MTMR3: variants seen among roughly 807,000 people sequenced by gnomAD.
The protein encoded by MTMR3 is myotubularin related protein 3.
In MTMR3, 32 loss-of-function variants were observed where a neutral mutation model predicts 132.4. The ratio of observed to expected loss-of-function variants is 0.24; its 90% CI spans 0.18 to 0.32. The LOEUF is 0.32. MTMR3 is among the 10% of genes least tolerant of loss of function. The probability of loss-of-function intolerance (pLI) is 1.00; values close to 1 mark genes in which losing one functional copy is unlikely to be tolerated. For missense variants in MTMR3, 1,216 were observed against 1,489.6 expected, an observed-to-expected ratio of 0.82 and a Z score of 3.02; for synonymous variants, 556 against 550.3, an observed-to-expected ratio of 1.01 and a Z score of -0.14.
rs541259700 is a variant in MTMR3, at chr22:30,029,446, A to G, written c.*3645A>G. ...AGAATATTCTATGAATTAGAATGTTACTGTGGTAGATCTAAAGGAGAATGA... is the reference window on the plus strand; with the variant it reads ...AGAATATTCTATGAATTAGAATGTTGCTGTGGTAGATCTAAAGGAGAATGA... On this transcript the variant is annotated 3_prime_UTR_variant, in exon 20 of 20. Transcript: ENST00000401950. 1 of 152,498 alleles carries G rather than the reference A, an allele frequency of 6.6e-6. No individual in the cohort carries two copies. Among genetic ancestry groups the G allele is most frequent in the East Asian group, 1.9e-4 (1 of 5,332 alleles). The allele number at this position is 152,498 out of a possible 1,614,324, so 9.4% of individuals were successfully genotyped here.
chr22:29,892,656 T>C (rs2064822701), intron 1 of MTMR3, among the ~76,000 whole-genome samples: 2 of 152,122 alleles, frequency 1.3e-5, no homozygotes. Context: ...GCTTTTTGTA[T>C]TAGAAAAAAA....
At chr22:29,893,774 T>C (rs2064841574) in intron 1 of MTMR3, among the ~76,000 whole-genome samples, 1 of 152,188 alleles carries the variant, frequency 6.6e-6, no homozygotes, top group Non-Finnish European at 1.5e-5. Flanking sequence ...TTGCTTCTTA[T>C]TCTTTTAGAG....
chr22:29,953,163 C>A (rs16988120), intron 1 of MTMR3, among the ~76,000 whole-genome samples: 11,792 of 152,218 alleles, frequency 0.077, 536 homozygotes, highest in African/African-American at 0.092. Flanking sequence ...TCTTAATTAT[C>A]GTTCATTTGA....
intron 2 of MTMR3, among the ~76,000 whole-genome samples, chr22:29,962,999 C>T (rs926076326): frequency 4.0e-5 from 6 of 151,044 alleles, no homozygotes; most frequent in African/African-American, 9.8e-5. Flanking sequence ...ACTGAAACCT[C>T]GCCACTGCAT....
intron 11 of MTMR3, 134 bp from the exon 12 acceptor site, chr22:30,008,884 G>GCATTT: frequency 1.6e-6 from 1 of 618,240 alleles, no homozygotes; most frequent in Non-Finnish European, 2.9e-6. Flanking sequence ...TAATAGTTAA[G>GCATTT]CATTTCAAAA....
chr22:30,008,819 T>G (rs1047010492), intron 11 of MTMR3, 199 bp from the exon 12 acceptor site: 10 of 457,432 alleles, frequency 2.2e-5, no homozygotes, highest in Middle Eastern at 5.7e-4. Flanking sequence ...CTTTTCACGC[T>G]TTTTGAAAAG....
intron 14 of MTMR3, chr22:30,014,502 C>CTTTTTTTTTTTTTTTTTTTTTTT (rs56934428): frequency 1.3e-5 from 1 of 78,814 alleles, no homozygotes; most frequent in African/African-American, 4.8e-5. Flanking sequence ...CCCTCCAGTT[C>CTTTTTTTTTTTTTTTTTTTTTTT]TTTTTTTTTT....
At chr22:29,890,873 G>A (rs2064783446) in intron 1 of MTMR3, among the ~76,000 whole-genome samples, 1 of 152,124 alleles carries the variant, frequency 6.6e-6, no homozygotes, top group Admixed American at 6.5e-5. Flanking sequence ...GCATTAAGCA[G>A]GTGCGGTACA....
Position 30,013,698 on chromosome 22 carries a change from T to C in MTMR3, c.1503+157T>C, listed in dbSNP as rs1392178855. ...TTTTTTTTTTAGTAAATAATTTTGC[T>C]ATTTTCAAAAAGAGAAAATCCAGGT... On this transcript the variant is annotated intron_variant, in intron 14 of 19. Coordinates refer to ENST00000401950, the MANE Select transcript of MTMR3 (RefSeq NM_021090.4). 7 of 738,856 alleles carry C rather than the reference T, an allele frequency of 9.5e-6. No individual in the cohort carries two copies. The African/African-American group carries it at 1.3e-4, about 13-fold the overall frequency. The allele number at this position is 738,856 out of a possible 1,614,324, so 45.8% of individuals were successfully genotyped here.
chr22:30,005,960 T>G (rs2067265874), intron 9 of MTMR3: 1 of 152,236 alleles, frequency 6.6e-6, no homozygotes, highest in Non-Finnish European at 1.5e-5. Flanking sequence ...TTTATAATAG[T>G]CACTACATGC....
chr22:30,013,244 T>C, intron 13 of MTMR3, 112 bp from the exon 14 acceptor site: 4 of 1,094,320 alleles, frequency 3.7e-6, no homozygotes, highest in Non-Finnish European at 5.3e-6. Context: ...CAAGGCCGGG[T>C]GGGCTTTCTG....
At chr22:29,958,953 GT>G (rs1220933354) in intron 2 of MTMR3, among the ~76,000 whole-genome samples, 1 of 152,118 alleles carries the variant, frequency 6.6e-6, no homozygotes, top group African/African-American at 2.4e-5. Flanking sequence ...TTAGGTTACT[GT>G]TTTTTCCCCA....
chr22:29,895,884 A>G (rs750494382), intron 1 of MTMR3, among the ~76,000 whole-genome samples: 1 of 152,096 alleles, frequency 6.6e-6, no homozygotes, highest in Non-Finnish European at 1.5e-5. Context: ...TATAAAATCC[A>G]CTTTTTGTCG....
chr22:29,907,899 G>T (rs1237522365), intron 1 of MTMR3, among the ~76,000 whole-genome samples: 1 of 152,142 alleles, frequency 6.6e-6, no homozygotes, highest in Admixed American at 6.5e-5. Context: ...GAGCACACTG[G>T]CAGCAGTCCA....
At chr22:29,918,609 T>G (rs937584518) in intron 1 of MTMR3, among the ~76,000 whole-genome samples, 3 of 152,224 alleles carry the variant, frequency 2.0e-5, no homozygotes, top group African/African-American at 7.2e-5. Context: ...ACTCAGTTTG[T>G]AGACTATGAA....
chr22:30,007,058 G>A, intron 9 of MTMR3, 56 bp from the exon 10 acceptor site: 2 of 1,581,658 alleles, frequency 1.3e-6, no homozygotes, highest in Non-Finnish European at 1.7e-6. Context: ...TCTATTTTGT[G>A]TGAGTACAGA....
intron 1 of MTMR3, among the ~76,000 whole-genome samples, chr22:29,930,708 T>A (rs1159451807): frequency 1.3e-5 from 2 of 148,284 alleles, no homozygotes; most frequent in Non-Finnish European, 3.0e-5. Flanking sequence ...GAAAAAAGAA[T>A]ATGAATTTTT....
chr22:29,898,661 C>G (rs1389230356), intron 1 of MTMR3, among the ~76,000 whole-genome samples: 1 of 152,180 alleles, frequency 6.6e-6, no homozygotes, highest in Non-Finnish European at 1.5e-5. Context: ...CTCAGCCTCC[C>G]AAAGTGCTGG....
chr22:29,942,550 G>A (rs1285273483), intron 1 of MTMR3, among the ~76,000 whole-genome samples: 1 of 152,164 alleles, frequency 6.6e-6, no homozygotes, highest in Non-Finnish European at 1.5e-5. Flanking sequence ...AAGCCTGGGA[G>A]CACTACGGGA....
Sources: allele counts gnomAD v4.1 joint callset (sites outside exome capture counted in the v4.1 genomes callset), GRCh38; gene constraint gnomAD v4.1.1; transcripts MANE v1.5; gene names NCBI Gene and HGNC (gene_info 2026-07-23, HGNC 2026-07-21).